The following KCNJ12 variants were observed in gnomAD, a reference collection of about 807,000 sequenced individuals.
KCNJ12 encodes potassium inwardly rectifying channel subfamily J member 12.
Under a neutral mutation model 22.3 loss-of-function variants are expected in KCNJ12, and 2 were observed. The observed-to-expected ratio is 0.09, with a 90% CI of 0.04 to 0.28. The LOEUF (loss-of-function observed/expected upper bound fraction) is 0.28, where lower values mean the gene tolerates loss of function less well. Among genes scored for constraint, KCNJ12 ranks in the 10% least tolerant of loss-of-function variants. KCNJ12 has a pLI of 1.00. For missense variants in KCNJ12, 155 were observed against 633.3 expected (o/e 0.24, Z 8.11); for synonymous variants, 117 against 261.4 (o/e 0.45, Z 5.33).
At position 21,419,179 on chromosome 17, in the gene KCNJ12, G is replaced by GT. The variant is rs1207696391; in HGVS notation, c.*2536dup. 6.0e-6 allele frequency: 1 copy of GT among 167,090 alleles called. No individual in the cohort carries two copies. The highest frequency in any genetic ancestry group is 1.5e-5 in the Non-Finnish European group (1 of 68,180). The allele number at this position is 167,090 out of a possible 1,614,324, so 10.4% of individuals were successfully genotyped here. A position where few individuals can be genotyped will look rare whatever the true frequency, so the allele number is the denominator to read the frequency against. On this transcript the variant is annotated 3_prime_UTR_variant, in exon 3 of 3. Transcript: ENST00000583088. ...GAGGAAGACTTGGCCCCTGGGGAGT[G>GT]TGTGTGTGGAGGCGTGTGCCTGTGT... is the stretch of plus-strand genomic sequence containing the variant.
At chr17:21,403,998 C>T (rs1398873387) in intron 1 of KCNJ12, among the ~76,000 whole-genome samples, 1 of 152,248 alleles carries the variant, frequency 6.6e-6, no homozygotes, top group Middle Eastern at 3.2e-3. Context: ...ATTAATATGA[C>T]ATCCGAGGCC....
chr17:21,407,459 C>T (rs1450993795), intron 1 of KCNJ12, among the ~76,000 whole-genome samples: 2 of 152,330 alleles, frequency 1.3e-5, no homozygotes, highest in East Asian at 3.9e-4. Flanking sequence ...AGCCATCCCT[C>T]TATCCATTCA....
At chr17:21,410,615 C>G (rs1906271686) in intron 2 of KCNJ12, among the ~76,000 whole-genome samples, 1 of 152,300 alleles carries the variant, frequency 6.6e-6, no homozygotes, top group African/African-American at 2.4e-5. Flanking sequence ...TGAACCTGTG[C>G]TTTTGAGTGC....
chr17:21,409,758 T>C (rs1906214710), intron 2 of KCNJ12, among the ~76,000 whole-genome samples: 1 of 152,254 alleles, frequency 6.6e-6, no homozygotes, highest in Non-Finnish European at 1.5e-5. Flanking sequence ...CCTGAGGTGG[T>C]AAGGGCCTAG....
At position 21,415,538 on chromosome 17, in the gene KCNJ12, C is replaced by T. The variant is rs140486656; in HGVS notation, c.196C>T (p.Arg66Cys). Reference protein sequence around the residue: ...EFANMDEKSQRYLADMFTTCV... With the variant: ...EFANMDEKSQCYLADMFTTCV... ...CGCCAACATGGACGAGAAGTCACAG[C>T]GCTACCTGGCTGACATGTTCACCAC... The change falls in exon 3 of 3, where the codon CGC becomes TGC. Residue 66 changes from arginine to cysteine, a missense_variant. Arg to Cys is a radical substitution (Grantham distance 180). Transcript: ENST00000583088. 3.3e-5 allele frequency: 53 copies of T among 1,613,906 alleles called. No individual in the cohort carries two copies. Among genetic ancestry groups the T allele is most frequent in the African/African-American group, 1.2e-4 (9 of 74,950 alleles).
intron 1 of KCNJ12, among the ~76,000 whole-genome samples, chr17:21,381,513 T>G (rs1904867706): frequency 1.3e-5 from 2 of 152,016 alleles, no homozygotes; most frequent in African/African-American, 4.8e-5. Context: ...TTGCTGTGCT[T>G]CCAACAGATC....
intron 1 of KCNJ12, among the ~76,000 whole-genome samples, chr17:21,396,343 C>T (rs1197057686): frequency 1.3e-5 from 2 of 152,208 alleles, no homozygotes; most frequent in East Asian, 1.9e-4. Context: ...CGAGCCAGCT[C>T]GCCGCAAAGC....
intron 1 of KCNJ12, among the ~76,000 whole-genome samples, chr17:21,387,199 T>G (rs1249155614): frequency 6.6e-6 from 1 of 150,588 alleles, no homozygotes; most frequent in African/African-American, 2.5e-5. Context: ...GCTCTCCATT[T>G]TGGGAGGCCG....
Position 21,387,440 on chromosome 17 carries a change from C to CAAA in KCNJ12, c.-179+10550_-179+10552dup, listed in dbSNP as rs782125409. The stretch of plus-strand genomic sequence containing the variant: ...CTGGCGACAGAGCGAGACTCTATCT[C>CAAA]AAAAAAAAAAAAAAAAAAAAAAAAA... On this transcript the variant is annotated intron_variant, in intron 1 of 2. Coordinates refer to ENST00000583088, the MANE Select transcript of KCNJ12 (RefSeq NM_021012.5). 1.6e-3 allele frequency among the ~76,000 whole-genome samples: 57 copies of CAAA among 36,516 alleles called. 2 individuals are homozygous for CAAA. Among genetic ancestry groups the CAAA allele is most frequent in the African/African-American group, 3.8e-3 (45 of 11,828 alleles). 24.0% of individuals were successfully genotyped at this position (36,516 alleles called of 152,430 possible). A position where few individuals can be genotyped will look rare whatever the true frequency, so the allele number is the denominator to read the frequency against.
intron 1 of KCNJ12, among the ~76,000 whole-genome samples, chr17:21,387,606 G>A (rs1338565074): frequency 6.6e-6 from 1 of 152,166 alleles, no homozygotes; most frequent in Non-Finnish European, 1.5e-5. Context: ...GGGAAGTGGA[G>A]CTATGAATGG....
At chr17:21,393,990 A>T (rs1905271485) in intron 1 of KCNJ12, among the ~76,000 whole-genome samples, 1 of 152,220 alleles carries the variant, frequency 6.6e-6, no homozygotes, top group Non-Finnish European at 1.5e-5. Context: ...GACCCAGGCA[A>T]AGGAGGACAG....
rs529672986 is a variant in KCNJ12, at chr17:21,396,344, G to A, written c.-178-12175G>A. 2.7e-3 allele frequency among the ~76,000 whole-genome samples: 413 copies of A among 152,314 alleles called. 3 individuals are homozygous for A. The highest frequency in any genetic ancestry group is 0.01 in the Middle Eastern group (3 of 294). On this transcript the variant is annotated intron_variant, in intron 1 of 2. Transcript: ENST00000583088. ...AGCCAGGAAGTCACCGAGCCAGCTC[G>A]CCGCAAAGCCCTGCTTCCCACTTTG...
Position 21,379,424 on chromosome 17 carries a change from C to A in KCNJ12, c.-179+2511C>A, listed in dbSNP as rs576493076. Among the ~76,000 whole-genome samples the A allele has an allele frequency of 1.5e-4, 23 of 152,350 alleles. No individual in the cohort carries two copies. In the South Asian group the frequency reaches 3.5e-3, roughly 23 times the overall value. On this transcript the variant is annotated intron_variant, in intron 1 of 2. Coordinates refer to ENST00000583088, the MANE Select transcript of KCNJ12 (RefSeq NM_021012.5). ...TCACCCCCCCTGCTCCCAGGCCCAGCTCTGGGCTGGGCCCTTCCTCCAACA... is the reference window on the plus strand; with the variant it reads ...TCACCCCCCCTGCTCCCAGGCCCAGATCTGGGCTGGGCCCTTCCTCCAACA...
chr17:21,397,988 G>A (rs1905429520), intron 1 of KCNJ12, among the ~76,000 whole-genome samples: 1 of 152,152 alleles, frequency 6.6e-6, no homozygotes, highest in African/African-American at 2.4e-5. Flanking sequence ...GGCTGTCCCA[G>A]ACTTAGCTTC....
chr17:21,397,540 G>A (rs1261406265), intron 1 of KCNJ12, among the ~76,000 whole-genome samples: 1 of 152,236 alleles, frequency 6.6e-6, no homozygotes, highest in African/African-American at 2.4e-5. Flanking sequence ...TGATGAGCTG[G>A]CCTGGGGACG....
chr17:21,409,421 C>A (rs1906189880), intron 2 of KCNJ12, among the ~76,000 whole-genome samples: 1 of 152,302 alleles, frequency 6.6e-6, no homozygotes, highest in South Asian at 2.1e-4. Context: ...GACAAAGGTT[C>A]CAGCGCAAGT....
chr17:21,383,142 G>A (rs1465730254), intron 1 of KCNJ12, among the ~76,000 whole-genome samples: 2 of 152,242 alleles, frequency 1.3e-5, no homozygotes, highest in African/African-American at 4.8e-5. Context: ...GCCGGGGGCA[G>A]GAGAGGTCAA....
intron 1 of KCNJ12, among the ~76,000 whole-genome samples, chr17:21,377,500 T>C (rs1418228382): frequency 2.0e-5 from 3 of 152,122 alleles, no homozygotes; most frequent in Non-Finnish European, 4.4e-5. Flanking sequence ...AGAGGCTCCC[T>C]TTTGCTTTTA....
At chr17:21,390,405 T>G (rs782489187) in intron 1 of KCNJ12, among the ~76,000 whole-genome samples, 5 of 152,234 alleles carry the variant, frequency 3.3e-5, no homozygotes, top group Non-Finnish European at 7.3e-5. Flanking sequence ...TCTGTGCCAG[T>G]GGACCACTGA....
Sources: gnomAD v4.1 joint callset for allele counts (sites outside exome capture counted in the v4.1 genomes callset) on GRCh38, gnomAD v4.1.1 for gene constraint, MANE v1.5 for transcripts, NCBI Gene and HGNC (gene_info 2026-07-23, HGNC 2026-07-21) for gene names.